The following ARHGAP6 variants were observed in gnomAD, a reference collection of about 807,000 sequenced individuals.
ARHGAP6 encodes Rho GTPase activating protein 6, also known as rho GTPase-activating protein 6.
In ARHGAP6, 16 loss-of-function variants were observed where a neutral mutation model predicts 55.7. The ratio of observed to expected loss-of-function variants is 0.29; its 90% CI spans 0.19 to 0.44. The LOEUF is 0.44. Among genes scored for constraint, ARHGAP6 ranks in the 20% least tolerant of loss-of-function variants. The pLI is 1.00. For missense variants in ARHGAP6, 698 were observed against 808.9 expected (o/e 0.86, Z 1.66); for synonymous variants, 382 against 360.9 (o/e 1.06, Z -0.66).
At chrX:11,617,367 C>T (rs756445968) in intron 1 of ARHGAP6, among the ~76,000 whole-genome samples, 1 of 111,741 alleles carries the variant, frequency 8.9e-6, no homozygotes, top group Non-Finnish European at 1.9e-5. Flanking sequence ...ATAGAAAATA[C>T]ATAGTTTAAA....
At chrX:11,605,041 C>T (rs2052017985) in intron 1 of ARHGAP6, among the ~76,000 whole-genome samples, 1 of 111,804 alleles carries the variant, frequency 8.9e-6, no homozygotes, top group South Asian at 3.7e-4. Context: ...CTGGATGAAG[C>T]CTCACAGCAT....
intron 1 of ARHGAP6, among the ~76,000 whole-genome samples, chrX:11,286,774 G>A (rs1284650665): frequency 8.9e-6 from 1 of 112,099 alleles, no homozygotes; most frequent in Admixed American, 9.4e-5. Context: ...TGCTAACACC[G>A]ACAAACCTTT....
At chrX:11,185,626 C>T (rs759457419) in intron 5 of ARHGAP6, among the ~76,000 whole-genome samples, 1 of 111,855 alleles carries the variant, frequency 8.9e-6, no homozygotes, top group South Asian at 3.7e-4. Flanking sequence ...AGTTAATAAG[C>T]CAGAAGTCTA....
chrX:11,555,519 C>T (rs2147089114), intron 1 of ARHGAP6, among the ~76,000 whole-genome samples: 1 of 110,230 alleles, frequency 9.1e-6, no homozygotes, highest in East Asian at 2.9e-4. Context: ...TTTGAGAGGC[C>T]AAGGTGGGCA....
At chrX:11,342,189 G>A (rs183627570) in intron 1 of ARHGAP6, among the ~76,000 whole-genome samples, 2 of 111,752 alleles carry the variant, frequency 1.8e-5, no homozygotes, top group Admixed American at 9.5e-5. Flanking sequence ...ATGCGAATAG[G>A]TACATTTTTT....
intron 2 of ARHGAP6, among the ~76,000 whole-genome samples, chrX:11,240,955 T>TG (rs1361118982): frequency 2.0e-4 from 1 of 4,938 alleles, no homozygotes; most frequent in Admixed American, 2.8e-3. Flanking sequence ...TGGGGTGGGG[T>TG]GGGGGGCTGA....
intron 10 of ARHGAP6, among the ~76,000 whole-genome samples, 196 bp from the exon 11 acceptor site, chrX:11,144,444 G>A: frequency 8.9e-6 from 1 of 112,262 alleles, no homozygotes; most frequent in Non-Finnish European, 1.9e-5. Context: ...CCAGCAGAGG[G>A]CAGTAAAACC....
chrX:11,318,842 T>C (rs1024226268), intron 1 of ARHGAP6, among the ~76,000 whole-genome samples: 1 of 112,020 alleles, frequency 8.9e-6, no homozygotes, highest in South Asian at 3.7e-4. Context: ...GATCTACCAA[T>C]GGATAAGAAC....
chrX:11,603,989 G>T (rs2052005965), intron 1 of ARHGAP6, among the ~76,000 whole-genome samples: 2 of 111,935 alleles, frequency 1.8e-5, no homozygotes, highest in African/African-American at 6.5e-5. Context: ...CAGTCAGTTT[G>T]GTTTGGCTCA....
intron 10 of ARHGAP6, among the ~76,000 whole-genome samples, chrX:11,151,548 C>A (rs781615323): frequency 9.0e-6 from 1 of 111,586 alleles, no homozygotes; most frequent in Non-Finnish European, 1.9e-5. Context: ...TCTGGCATCC[C>A]GTTTTGGTTG....
At chrX:11,589,422 T>C (rs1697815864) in intron 1 of ARHGAP6, among the ~76,000 whole-genome samples, 1 of 106,720 alleles carries the variant, frequency 9.4e-6, no homozygotes, top group African/African-American at 3.4e-5. Flanking sequence ...ACCTTTTTTT[T>C]GCAGTTTCTC....
In ARHGAP6 at chrX:11,593,130, T is replaced by C. The variant is rs530547004; in HGVS notation, c.588+71111A>G. On this transcript the variant is annotated intron_variant, in intron 1 of 12. Coordinates refer to ENST00000337414, the MANE Select transcript of ARHGAP6 (RefSeq NM_013427.3). ...TGAAAAGATCTGTCAACTCTGTACA[T>C]ACTTTGAACTATTCTAGAAATACAA... 1.3e-4 allele frequency among the ~76,000 whole-genome samples: 15 copies of C among 112,308 alleles called. No homozygotes were observed. The South Asian group carries it at 1.5e-3, about 11-fold the overall frequency.
At chrX:11,209,298 T>C (rs756191609) in intron 2 of ARHGAP6, among the ~76,000 whole-genome samples, 43 of 111,354 alleles carry the variant, frequency 3.9e-4, no homozygotes, top group Non-Finnish European at 7.3e-4. Flanking sequence ...TGTGCCACCA[T>C]GCCTGGCTAA....
chrX:11,214,235 T>C (rs971605282), intron 2 of ARHGAP6, among the ~76,000 whole-genome samples: 1 of 105,659 alleles, frequency 9.5e-6, no homozygotes, highest in Non-Finnish European at 1.9e-5. Context: ...TCTATGAATA[T>C]AAAAGGAAAA....
intron 1 of ARHGAP6, among the ~76,000 whole-genome samples, chrX:11,610,519 T>C (rs1270395074): frequency 8.9e-6 from 1 of 111,940 alleles, no homozygotes; most frequent in Non-Finnish European, 1.9e-5. Flanking sequence ...AGCGGTCATA[T>C]GGAGGAAGTG....
chrX:11,246,589 A>C (rs1294994515), intron 2 of ARHGAP6, among the ~76,000 whole-genome samples: 2 of 112,137 alleles, frequency 1.8e-5, no homozygotes, highest in Admixed American at 1.9e-4. Context: ...ATCAAAGACC[A>C]ATAAGACGTA....
intron 1 of ARHGAP6, among the ~76,000 whole-genome samples, chrX:11,471,618 C>T (rs1039859820): frequency 9.8e-5 from 11 of 112,044 alleles, no homozygotes; most frequent in Non-Finnish European, 1.9e-4. Flanking sequence ...TGAATCATAT[C>T]CTATTGCTGG....
intron 2 of ARHGAP6, among the ~76,000 whole-genome samples, chrX:11,234,187 G>A (rs1181261209): frequency 6.2e-5 from 7 of 112,282 alleles, no homozygotes; most frequent in Non-Finnish European, 1.3e-4. Context: ...TTTCACAAAC[G>A]TGATTTAGTT....
At position 11,138,695 on chromosome X, in the gene ARHGAP6, G is replaced by A; in HGVS notation, c.*168C>T. The stretch of plus-strand genomic sequence containing the variant: ...TACGCAATGGAACCTTATTCTCAAT[G>A]GCGGGGGCGTGAGTGCTCTACCTCT... On this transcript the variant is annotated 3_prime_UTR_variant, in exon 13 of 13. Transcript: ENST00000337414. The A allele has an allele frequency of 1.9e-6, 1 of 526,923 alleles. No individual in the cohort carries two copies. The highest frequency in any genetic ancestry group is 4.0e-5 in the Admixed American group (1 of 24,965). 43.4% of individuals were successfully genotyped at this position (526,923 alleles called of 1,213,427 possible).
Sources: gnomAD v4.1 joint callset for allele counts (sites outside exome capture counted in the v4.1 genomes callset) on GRCh38, gnomAD v4.1.1 for gene constraint, MANE v1.5 for transcripts, NCBI Gene and HGNC (gene_info 2026-07-23, HGNC 2026-07-21) for gene names.